RIC1: variants seen among roughly 807,000 people sequenced by gnomAD.
RIC1 encodes the protein guanine nucleotide exchange factor subunit RIC1.
RIC1 carries 88 observed loss-of-function variants against 169.0 expected under a neutral mutation model. That is an observed-to-expected ratio of 0.52 (90% CI 0.44 to 0.62). RIC1 has a LOEUF of 0.62. Ranked by LOEUF, RIC1 falls within the 20% of genes least tolerant of loss-of-function variation. The pLI is 0.00. For synonymous variants in RIC1, 790 were observed against 601.5 expected (o/e 1.31, Z -4.59); for missense variants, 1,877 against 1,725.5 (o/e 1.09, Z -1.56).
At chr9:5,666,013 C>A (rs1009059258) in intron 2 of RIC1, among the ~76,000 whole-genome samples, 1 of 152,168 alleles carries the variant, frequency 6.6e-6, no homozygotes, top group Non-Finnish European at 1.5e-5. Flanking sequence ...CTCCAGGACC[C>A]ACAGGCTGGA....
At chr9:5,647,370 C>G (rs1818567664) in intron 1 of RIC1, among the ~76,000 whole-genome samples, 1 of 152,180 alleles carries the variant, frequency 6.6e-6, no homozygotes. Flanking sequence ...TTTGAAAGGA[C>G]TTACATTGAC....
chr9:5,670,172 G>A (rs1343299257), intron 2 of RIC1, among the ~76,000 whole-genome samples: 1 of 152,182 alleles, frequency 6.6e-6, no homozygotes, highest in African/African-American at 2.4e-5. Context: ...CAGCTTCTAA[G>A]TTCAGCAGAT....
At chr9:5,739,134 C>A (rs986279562) in intron 8 of RIC1, among the ~76,000 whole-genome samples, 20 of 152,058 alleles carry the variant, frequency 1.3e-4, no homozygotes, top group African/African-American at 4.6e-4. Context: ...CTGGACCCTC[C>A]CAGCTGGGAT....
At chr9:5,731,958 C>G (rs1319866038) in intron 6 of RIC1, among the ~76,000 whole-genome samples, 1 of 152,108 alleles carries the variant, frequency 6.6e-6, no homozygotes. Flanking sequence ...AAAGAATAAA[C>G]CAAACAGAAT....
chr9:5,765,668 A>T lies in RIC1; in HGVS notation c.3007A>T (p.Ser1003Cys). Residue 1003 changes from serine (S) to cysteine (C), a missense_variant, in exon 21 of 26, where the codon AGT becomes TGT. Ser to Cys is a moderately radical substitution (Grantham distance 112, BLOSUM62 -1). This residue lies in a region of RIC1 where 681 missense variants were observed against 582.0 expected (regional missense o/e 1.17). Coordinates refer to ENST00000414202, the MANE Select transcript of RIC1 (RefSeq NM_020829.4). ...ATATGGTGTGTAATCCTAGGAACCC[A>T]GTTCAAGTGGTGGATTTGAGTTCTT... ...PPSTPTAQEP[S>C]SSGGFEFFRN... 1 of 1,614,168 alleles carries T rather than the reference A, an allele frequency of 6.2e-7. No individual in the cohort carries two copies. The highest frequency in any genetic ancestry group is 8.5e-7 in the Non-Finnish European group (1 of 1,179,998).
intron 2 of RIC1, among the ~76,000 whole-genome samples, chr9:5,659,788 T>C (rs540268838): frequency 6.6e-6 from 1 of 152,206 alleles, no homozygotes; most frequent in African/African-American, 2.4e-5. Context: ...AATGGAATTG[T>C]TTTTAAGTTT....
At chr9:5,752,944 A>G (rs988375694) in intron 12 of RIC1, among the ~76,000 whole-genome samples, 2 of 152,126 alleles carry the variant, frequency 1.3e-5, no homozygotes, top group African/African-American at 4.8e-5. Context: ...TATTTATTGA[A>G]TTCAATATTT....
chr9:5,758,933 CAG>C (rs1826172981), intron 17 of RIC1, among the ~76,000 whole-genome samples: 2 of 151,840 alleles, frequency 1.3e-5, no homozygotes, highest in Non-Finnish European at 2.9e-5. Context: ...TTAGTAGAGA[CAG>C]GGTTTCACCA....
intron 4 of RIC1, among the ~76,000 whole-genome samples, chr9:5,715,143 C>G (rs200084207): frequency 1.3e-5 from 2 of 152,156 alleles, no homozygotes; most frequent in East Asian, 3.8e-4. Flanking sequence ...AGTTACTCAT[C>G]GCCTTGGTCA....
At chr9:5,759,498 A>C (rs768567391) in intron 17 of RIC1, among the ~76,000 whole-genome samples, 1 of 152,226 alleles carries the variant, frequency 6.6e-6, no homozygotes, top group Non-Finnish European at 1.5e-5. Context: ...GTTAAAAGTC[A>C]TTTGTGAGGC....
At chr9:5,697,527 G>A (rs905584544) in intron 3 of RIC1, among the ~76,000 whole-genome samples, 1 of 152,170 alleles carries the variant, frequency 6.6e-6, no homozygotes, top group Admixed American at 6.5e-5. Context: ...TTCCACTGGA[G>A]TATATTTAAG....
At chr9:5,634,389 C>T (rs1057287863) in intron 1 of RIC1, among the ~76,000 whole-genome samples, 2 of 152,144 alleles carry the variant, frequency 1.3e-5, no homozygotes, top group African/African-American at 4.8e-5. Flanking sequence ...CTTTGCCGAC[C>T]TTGTTATGAT....
At chr9:5,685,084 G>A (rs1360841584) in intron 2 of RIC1, among the ~76,000 whole-genome samples, 1 of 151,878 alleles carries the variant, frequency 6.6e-6, no homozygotes, top group South Asian at 2.1e-4. Flanking sequence ...ATATGTTAAT[G>A]AGGGAAGGAG....
chr9:5,739,599 A>T (rs1271785812), intron 8 of RIC1, among the ~76,000 whole-genome samples: 6 of 152,142 alleles, frequency 3.9e-5, no homozygotes, highest in Admixed American at 3.9e-4. Flanking sequence ...GTGGCTCCTG[A>T]GGAGAATCAA....
At position 5,630,601 on chromosome 9, in the gene RIC1, T is replaced by C. The variant is rs181897180; in HGVS notation, c.144+1148T>C. On this transcript the variant is annotated intron_variant, in intron 1 of 25. Transcript: ENST00000414202. ...ATTCTGGTGTCTCCTTTGACTGTCA[T>C]AGTTGGGCTGTAAATCAGACTATTT... 3.3e-5 allele frequency among the ~76,000 whole-genome samples: 5 copies of C among 152,330 alleles called. No individual in the cohort carries two copies. In the East Asian group the frequency reaches 7.7e-4, roughly 23 times the overall value.
intron 2 of RIC1, 140 bp from the exon 3 acceptor site, chr9:5,689,819 G>T: frequency 1.6e-5 from 9 of 549,914 alleles, no homozygotes; most frequent in East Asian, 7.0e-5. Context: ...GCTTCTATTT[G>T]CATAATTAGG....
At chr9:5,765,199 G>A (rs1261162626) in intron 19 of RIC1, 8 of 497,422 alleles carry the variant, frequency 1.6e-5, no homozygotes, top group Non-Finnish European at 2.1e-5. Flanking sequence ...ATGCTATCTG[G>A]CATGTAGTAG....
In RIC1 at chr9:5,776,347, A is replaced by T. The variant is rs1389038963; in HGVS notation, c.*2101A>T. The T allele has an allele frequency of 6.6e-6, 1 of 152,150 alleles. No homozygotes were observed. Among genetic ancestry groups the T allele is most frequent in the Admixed American group, 6.5e-5 (1 of 15,270 alleles). 9.4% of individuals were successfully genotyped at this position (152,150 alleles called of 1,614,324 possible). A position where few individuals can be genotyped will look rare whatever the true frequency, so the allele number is the denominator to read the frequency against. On this transcript the variant is annotated 3_prime_UTR_variant, in exon 26 of 26. Transcript: ENST00000414202. ...TGTTTGGTTCACATATCAACTGTTT[A>T]AGCCATAATTTTAGCCAATGAATTT...
chr9:5,754,725 T>C, intron 14 of RIC1, 116 bp from the exon 15 acceptor site: 1 of 591,468 alleles, frequency 1.7e-6, no homozygotes, highest in Non-Finnish European at 2.8e-6. Context: ...AGTGAGACTG[T>C]CTCAAAAAAT....
Sources: allele counts gnomAD v4.1 joint callset (sites outside exome capture counted in the v4.1 genomes callset), GRCh38; gene constraint gnomAD v4.1.1; regional missense constraint gnomAD v4.1.1; transcripts MANE v1.5; gene names NCBI Gene and HGNC (gene_info 2026-07-23, HGNC 2026-07-21).